LIMS1: variants seen among roughly 807,000 people sequenced by gnomAD.
LIMS1 encodes LIM zinc finger domain containing 1, also known as LIM and senescent cell antigen-like-containing domain protein 1.
LIMS1 carries 18 observed loss-of-function variants against 44.1 expected under a neutral mutation model. The ratio of observed to expected loss-of-function variants is 0.41; its 90% CI spans 0.28 to 0.61. The LOEUF is 0.61. LIMS1 is among the 20% of genes least tolerant of loss of function. The probability of loss-of-function intolerance (pLI) is 0.32; values close to 1 mark genes in which losing one functional copy is unlikely to be tolerated. For missense variants in LIMS1, 201 were observed against 422.0 expected (o/e 0.48, Z 4.59); for synonymous variants, 93 against 149.1 (o/e 0.62, Z 2.74).
At chr2:108,634,754 C>T (rs886159651) in intron 1 of LIMS1, among the ~76,000 whole-genome samples, 4 of 152,214 alleles carry the variant, frequency 2.6e-5, no homozygotes. Flanking sequence ...ATGACCATGA[C>T]AGGAAAGCAT....
At chr2:108,618,330 A>C (rs1688039728) in intron 1 of LIMS1, among the ~76,000 whole-genome samples, 1 of 152,230 alleles carries the variant, frequency 6.6e-6, no homozygotes, top group Non-Finnish European at 1.5e-5. Context: ...GAATTCAGGC[A>C]TAATTAATAA....
chr2:108,619,584 T>C (rs958099343), intron 1 of LIMS1, among the ~76,000 whole-genome samples: 2 of 152,058 alleles, frequency 1.3e-5, no homozygotes, highest in Admixed American at 1.3e-4. Flanking sequence ...CTGGGGAGGC[T>C]GAGGCACGAG....
At chr2:108,611,691 G>A (rs1687613402) in intron 1 of LIMS1, among the ~76,000 whole-genome samples, 1 of 151,804 alleles carries the variant, frequency 6.6e-6, no homozygotes, top group Non-Finnish European at 1.5e-5. Context: ...ACCAGCCTGG[G>A]CAATGTGGCA....
intron 1 of LIMS1, among the ~76,000 whole-genome samples, chr2:108,588,864 T>C (rs1373101364): frequency 1.3e-5 from 2 of 152,230 alleles, no homozygotes; most frequent in African/African-American, 4.8e-5. Context: ...CTTTGTTTTA[T>C]TGGTTTCAAA....
intron 1 of LIMS1, among the ~76,000 whole-genome samples, chr2:108,594,093 A>G (rs1686543772): frequency 6.6e-6 from 1 of 152,206 alleles, no homozygotes; most frequent in Non-Finnish European, 1.5e-5. Context: ...TTTTGAGATT[A>G]ATTTTAATAA....
chr2:108,667,841 CTTTTCATT>C (rs1189449857), intron 2 of LIMS1, among the ~76,000 whole-genome samples: 1 of 152,096 alleles, frequency 6.6e-6, no homozygotes, highest in African/African-American at 2.4e-5. Flanking sequence ...CTCCTGTATA[CTTTTCATT>C]ATCTCTAGAT....
intron 1 of LIMS1, among the ~76,000 whole-genome samples, chr2:108,635,429 TAAAAAAAAAAA>T (rs70956264): frequency 2.3e-5 from 2 of 86,724 alleles, no homozygotes; most frequent in East Asian, 3.5e-4. Flanking sequence ...ACTTCATCTC[TAAAAAAAAAAA>T]AAAAAAAAAA....
In LIMS1 at chr2:108,553,563, T is replaced by C. The variant is rs553543120; in HGVS notation, c.32+18969T>C. Among the ~76,000 whole-genome samples, 4 of 152,288 alleles carry C rather than the reference T, an allele frequency of 2.6e-5. No individual in the cohort carries two copies. In the South Asian group the frequency reaches 8.3e-4, roughly 32 times the overall value. ...TCTCTTTCATTAGAAATAATGATAG[T>C]TTTTCATTGACATTCCTATTTTGTG... On this transcript the variant is annotated intron_variant, in intron 1 of 9. Coordinates refer to ENST00000544547, the Ensembl canonical transcript of LIMS1.
chr2:108,645,852 T>A (rs1300643155), intron 1 of LIMS1, among the ~76,000 whole-genome samples: 1 of 149,516 alleles, frequency 6.7e-6, no homozygotes, highest in Non-Finnish European at 1.5e-5. Flanking sequence ...GTTGCAATCC[T>A]AGTCTCTGAT....
At chr2:108,676,765 A>G (rs1692594260) in intron 7 of LIMS1, 67 bp downstream of exon 7, 1 of 954,646 alleles carries the variant, frequency 1.0e-6, no homozygotes, top group Non-Finnish European at 1.5e-6. Context: ...TAGTTTAGCT[A>G]CAAGGAAATC....
intron 1 of LIMS1, among the ~76,000 whole-genome samples, chr2:108,596,948 T>A (rs1221703653): frequency 7.5e-6 from 1 of 134,134 alleles, no homozygotes; most frequent in African/African-American, 2.9e-5. Flanking sequence ...TGAGTCTTGC[T>A]CTGTTGCTGA....
At chr2:108,610,515 G>A (rs1012700361) in intron 1 of LIMS1, among the ~76,000 whole-genome samples, 1 of 152,010 alleles carries the variant, frequency 6.6e-6, no homozygotes, top group African/African-American at 2.4e-5. Flanking sequence ...ATACCTCAGG[G>A]CTGGTCCCTG....
At chr2:108,565,026 A>G (rs997201417) in intron 1 of LIMS1, among the ~76,000 whole-genome samples, 5 of 125,068 alleles carry the variant, frequency 4.0e-5, no homozygotes, top group African/African-American at 1.3e-4. Flanking sequence ...TTTGTGCTGG[A>G]CAAAATCTCT....
chr2:108,649,367 A>G (rs991303160), intron 1 of LIMS1, among the ~76,000 whole-genome samples: 3 of 152,210 alleles, frequency 2.0e-5, no homozygotes, highest in African/African-American at 4.8e-5. Context: ...ACACTTTTAC[A>G]CTGTTGGTGG....
exon 10 of LIMS1, chr2:108,685,173 A>C (rs1238207604): frequency 6.6e-6 from 1 of 152,114 alleles, no homozygotes; most frequent in Non-Finnish European, 1.5e-5. Context: ...GAAATCTTAT[A>C]ATTAATTTGA....
chr2:108,603,285 C>T (rs1558804955), intron 1 of LIMS1, among the ~76,000 whole-genome samples: 3 of 152,026 alleles, frequency 2.0e-5, no homozygotes, highest in Admixed American at 2.0e-4. Context: ...TACTGGGAGA[C>T]TTTTTATTAT....
chr2:108,586,751 T>G (rs555822662), intron 1 of LIMS1, among the ~76,000 whole-genome samples: 2 of 152,260 alleles, frequency 1.3e-5, no homozygotes, highest in South Asian at 2.1e-4. Context: ...TTTTGTATTT[T>G]GGGGCTGTAG....
chr2:108,618,325 C>G (rs913063429), intron 1 of LIMS1, among the ~76,000 whole-genome samples: 10 of 152,184 alleles, frequency 6.6e-5, no homozygotes, highest in Admixed American at 5.9e-4. Flanking sequence ...TCTGAGAATT[C>G]AGGCATAATT....
chr2:108,674,669 G>A (rs1188744428), intron 5 of LIMS1, among the ~76,000 whole-genome samples: 1 of 134,372 alleles, frequency 7.4e-6, no homozygotes, highest in Non-Finnish European at 1.6e-5. Context: ...TGCAGTGAGT[G>A]TGGATCGCGC....
Sources: gnomAD v4.1 joint callset for allele counts (sites outside exome capture counted in the v4.1 genomes callset) on GRCh38, gnomAD v4.1.1 for gene constraint, MANE v1.5 for transcripts, NCBI Gene and HGNC (gene_info 2026-07-23, HGNC 2026-07-21) for gene names.